Variants in PRELID2 observed in about 807,000 individuals in gnomAD.
PRELID2 encodes PRELI domain containing 2.
In PRELID2, 25 loss-of-function variants were observed where a neutral mutation model predicts 28.4. The observed-to-expected ratio is 0.88, with a 90% confidence interval of 0.64 to 1.23. The LOEUF (loss-of-function observed/expected upper bound fraction) is 1.23, where lower values mean the gene tolerates loss of function less well. Ranked by LOEUF, PRELID2 falls within the 50% of genes most tolerant of loss-of-function variation. The pLI, the probability that PRELID2 is intolerant of heterozygous loss-of-function variation, is 0.00. For synonymous variants in PRELID2, 76 were observed against 71.6 expected (o/e 1.06, Z -0.31); for missense variants, 201 against 214.4 (o/e 0.94, Z 0.39).
intron 1 of PRELID2, among the ~76,000 whole-genome samples, chr5:145,541,072 G>A (rs191024215): frequency 1.3e-5 from 2 of 151,994 alleles, no homozygotes; most frequent in Admixed American, 1.3e-4. Context: ...TCTGAAGCAG[G>A]GTGGTAGGTA....
At chr5:145,400,206 C>T in the PRELID2 span, among the ~76,000 whole-genome samples, 2 of 152,068 alleles carry the variant, frequency 1.3e-5, no homozygotes, top group Non-Finnish European at 2.9e-5. Context: ...ATGTGTACAA[C>T]TAGTCCTGAT....
chr5:145,495,575 T>C (rs1247154118), intron 1 of PRELID2, among the ~76,000 whole-genome samples: 1 of 152,162 alleles, frequency 6.6e-6, no homozygotes, highest in Non-Finnish European at 1.5e-5. Flanking sequence ...TTAAAAATGT[T>C]TCATATTAGT....
At chr5:145,702,033 G>A (rs1159345723) in intron 1 of PRELID2, among the ~76,000 whole-genome samples, 1 of 151,590 alleles carries the variant, frequency 6.6e-6, no homozygotes, top group African/African-American at 2.4e-5. Context: ...TCTGGGCAAT[G>A]AGCAAAACTC....
intron 1 of PRELID2, among the ~76,000 whole-genome samples, chr5:145,729,662 C>T (rs1756279662): frequency 1.3e-5 from 2 of 152,220 alleles, no homozygotes; most frequent in African/African-American, 2.4e-5. Context: ...CCTTGGGTGT[C>T]CGTTGACGAT....
intron 1 of PRELID2, among the ~76,000 whole-genome samples, chr5:145,500,329 G>A (rs1159588535): frequency 6.6e-6 from 1 of 152,176 alleles, no homozygotes; most frequent in East Asian, 1.9e-4. Context: ...GGCCATGTAA[G>A]ACGTGCCTCC....
the PRELID2 span, among the ~76,000 whole-genome samples, chr5:145,237,144 G>A: frequency 3.9e-5 from 6 of 152,126 alleles, no homozygotes; most frequent in Non-Finnish European, 8.8e-5. Context: ...CCTTGAGCCT[G>A]TGTCCTGCCA....
At chr5:145,556,366 G>T (rs1174394866) in intron 1 of PRELID2, among the ~76,000 whole-genome samples, 2 of 151,974 alleles carry the variant, frequency 1.3e-5, no homozygotes, top group East Asian at 3.9e-4. Flanking sequence ...GGCTAGTTGT[G>T]TGAGCCAGAA....
At chr5:145,563,130 AC>A (rs1156367279) in intron 1 of PRELID2, among the ~76,000 whole-genome samples, 1 of 152,160 alleles carries the variant, frequency 6.6e-6, no homozygotes, top group Non-Finnish European at 1.5e-5. Flanking sequence ...TTATCCTCAT[AC>A]CCTGGCCACA....
the PRELID2 span, among the ~76,000 whole-genome samples, chr5:145,396,741 C>T: frequency 1.3e-5 from 2 of 151,880 alleles, no homozygotes; most frequent in Admixed American, 1.3e-4. Flanking sequence ...TGTCTTGAAA[C>T]ACAGAAAGAA....
chr5:145,633,076 G>A (rs996175081), intron 1 of PRELID2, among the ~76,000 whole-genome samples: 3 of 152,040 alleles, frequency 2.0e-5, no homozygotes, highest in African/African-American at 7.2e-5. Context: ...AATAAATTCT[G>A]GCAACAACTC....
chr5:145,525,210 G>A (rs1034954501), intron 1 of PRELID2, among the ~76,000 whole-genome samples: 7 of 152,116 alleles, frequency 4.6e-5, no homozygotes, highest in African/African-American at 1.4e-4. Flanking sequence ...TGAGTGACAG[G>A]CAGAAATAGA....
chr5:145,517,384 A>G (rs1362608930), intron 1 of PRELID2, among the ~76,000 whole-genome samples: 2 of 152,182 alleles, frequency 1.3e-5, no homozygotes, highest in African/African-American at 4.8e-5. Flanking sequence ...GAAAAACATG[A>G]AAAAAAGCTC....
chr5:145,519,910 T>A (rs1752549580), intron 1 of PRELID2, among the ~76,000 whole-genome samples: 1 of 152,222 alleles, frequency 6.6e-6, no homozygotes, highest in South Asian at 2.1e-4. Flanking sequence ...GGTATTATTG[T>A]GAAACTCATT....
At chr5:145,308,136 A>G in the PRELID2 span, among the ~76,000 whole-genome samples, 1 of 152,202 alleles carries the variant, frequency 6.6e-6, no homozygotes, top group Non-Finnish European at 1.5e-5. Flanking sequence ...AGAGGGCACC[A>G]GGTGCCTCAA....
the PRELID2 span, among the ~76,000 whole-genome samples, chr5:145,445,369 A>C: frequency 6.6e-6 from 1 of 152,244 alleles, no homozygotes; most frequent in African/African-American, 2.4e-5. Flanking sequence ...ATCCTATTCA[A>C]AAATCAACTC....
At chr5:145,806,423 C>T (rs1316581533) in intron 4 of PRELID2, among the ~76,000 whole-genome samples, 1 of 152,196 alleles carries the variant, frequency 6.6e-6, no homozygotes, top group Non-Finnish European at 1.5e-5. Flanking sequence ...TCTTATCCCA[C>T]TGGAAAGTCT....
chr5:145,825,141 G>T (rs1259881555), intron 1 of PRELID2, among the ~76,000 whole-genome samples: 1 of 138,486 alleles, frequency 7.2e-6, no homozygotes, highest in Non-Finnish European at 1.5e-5. Context: ...CAGGAGAATT[G>T]CTTGAACCTG....
chr5:145,660,574 C>A (rs1376673014), intron 1 of PRELID2, among the ~76,000 whole-genome samples: 1 of 152,134 alleles, frequency 6.6e-6, no homozygotes, highest in African/African-American at 2.4e-5. Context: ...TCTAAGCCAC[C>A]AAAAGGACTC....
intron 6 of PRELID2, among the ~76,000 whole-genome samples, chr5:145,762,215 C>T (rs1436331092): frequency 6.6e-6 from 1 of 152,136 alleles, no homozygotes; most frequent in East Asian, 1.9e-4. Flanking sequence ...TATATTCAGA[C>T]CTCGACCATT....
Sources: gnomAD v4.1 joint callset for allele counts (sites outside exome capture counted in the v4.1 genomes callset) on GRCh38, gnomAD v4.1.1 for gene constraint, MANE v1.5 for transcripts, NCBI Gene and HGNC (gene_info 2026-07-23, HGNC 2026-07-21) for gene names.